NAALADL2: variants seen among roughly 807,000 people sequenced by gnomAD.
The protein encoded by NAALADL2 is N-acetylated alpha-linked acidic dipeptidase like 2, also known as inactive N-acetylated-alpha-linked acidic dipeptidase-like protein 2.
In NAALADL2, 76 loss-of-function variants were observed where a neutral mutation model predicts 87.2. That is an observed-to-expected ratio of 0.87 (90% confidence interval 0.72 to 1.05). The LOEUF is 1.05. NAALADL2 is among the 50% of genes least tolerant of loss of function. The probability of loss-of-function intolerance (pLI) is 0.00; values close to 1 mark genes in which losing one functional copy is unlikely to be tolerated. For synonymous variants in NAALADL2, 354 were observed against 331.0 expected (o/e 1.07, Z -0.75); for missense variants, 1,089 against 945.8 (o/e 1.15, Z -1.99).
At chr3:175,304,802 CTT>C (rs1757496423) in intron 4 of NAALADL2, among the ~76,000 whole-genome samples, 1 of 152,176 alleles carries the variant, frequency 6.6e-6, no homozygotes, top group Non-Finnish European at 1.5e-5. Context: ...TGTGCAAATA[CTT>C]TTCAGACTCA....
chr3:174,735,482 C>G (rs1265034632), intron 2 of NAALADL2, among the ~76,000 whole-genome samples: 4 of 152,198 alleles, frequency 2.6e-5, no homozygotes, highest in African/African-American at 9.6e-5. Context: ...ATACACATCT[C>G]TTCCTTTGTT....
chr3:175,638,801 A>G (rs1430421745), intron 11 of NAALADL2, among the ~76,000 whole-genome samples: 1 of 152,208 alleles, frequency 6.6e-6, no homozygotes, highest in Non-Finnish European at 1.5e-5. Context: ...GGATATTTAT[A>G]CATTTTTATT....
chr3:174,797,305 C>CTTTTTT (rs1160338109), intron 3 of NAALADL2, among the ~76,000 whole-genome samples: 42 of 72,726 alleles, frequency 5.8e-4, no homozygotes, highest in South Asian at 1.1e-3. Context: ...TTTCTTTTTT[C>CTTTTTT]TTTTTTTTTT....
At chr3:175,088,293 G>A (rs572565534) in intron 1 of NAALADL2, among the ~76,000 whole-genome samples, 3 of 152,248 alleles carry the variant, frequency 2.0e-5, no homozygotes, top group African/African-American at 7.2e-5. Flanking sequence ...ATATAGATTT[G>A]GGAGGTTAAC....
chr3:175,488,924 T>C (rs9869413), intron 9 of NAALADL2, among the ~76,000 whole-genome samples: 119,732 of 152,150 alleles, frequency 0.79, 47,172 homozygotes, highest in Middle Eastern at 0.82. Flanking sequence ...GTGACAGTGG[T>C]TATTGGCATG....
intron 11 of NAALADL2, among the ~76,000 whole-genome samples, chr3:175,702,140 A>G (rs1267185535): frequency 6.6e-6 from 1 of 152,190 alleles, no homozygotes; most frequent in African/African-American, 2.4e-5. Flanking sequence ...ACATGGCGTT[A>G]TAAAATGGCA....
chr3:175,318,889 G>A (rs1759487266), intron 4 of NAALADL2, among the ~76,000 whole-genome samples: 1 of 152,178 alleles, frequency 6.6e-6, no homozygotes, highest in Admixed American at 6.5e-5. Flanking sequence ...ACAGGAAGCA[G>A]CTTTTTTAGT....
intron 3 of NAALADL2, among the ~76,000 whole-genome samples, chr3:174,749,011 G>T (rs1734557815): frequency 6.6e-6 from 1 of 152,058 alleles, no homozygotes; most frequent in African/African-American, 2.4e-5. Flanking sequence ...GCCTTTGATG[G>T]AAATAATAAT....
At chr3:175,629,904 G>C (rs1015980949) in intron 11 of NAALADL2, among the ~76,000 whole-genome samples, 1 of 151,772 alleles carries the variant, frequency 6.6e-6, no homozygotes, top group Non-Finnish European at 1.5e-5. Context: ...TATATTGTAC[G>C]TGTGTTTTAA....
At chr3:175,641,786 T>G (rs1034695314) in intron 11 of NAALADL2, among the ~76,000 whole-genome samples, 15 of 152,186 alleles carry the variant, frequency 9.9e-5, no homozygotes, top group Non-Finnish European at 1.8e-4. Context: ...TATTAAAAAT[T>G]ACAAATTAAG....
At chr3:175,024,504 T>C (rs112289768) in intron 1 of NAALADL2, among the ~76,000 whole-genome samples, 11 of 152,198 alleles carry the variant, frequency 7.2e-5, no homozygotes, top group African/African-American at 2.2e-4. Context: ...TACAAAATCA[T>C]TGTCCTTATT....
At chr3:175,471,492 A>G (rs1724873492) in intron 8 of NAALADL2, 147 bp from the exon 9 acceptor site, 2 of 544,816 alleles carry the variant, frequency 3.7e-6, no homozygotes, top group African/African-American at 2.2e-5. Flanking sequence ...AAAAAAAGAA[A>G]GAAAGAAAGA....
chr3:175,399,323 C>T (rs1770248347), intron 5 of NAALADL2, among the ~76,000 whole-genome samples: 1 of 152,076 alleles, frequency 6.6e-6, no homozygotes, highest in Admixed American at 6.6e-5. Context: ...TAACCTGAAG[C>T]ATGTAGAGGC....
chr3:175,414,394 G>T (rs1714196486), intron 5 of NAALADL2, among the ~76,000 whole-genome samples: 1 of 151,934 alleles, frequency 6.6e-6, no homozygotes, highest in Non-Finnish European at 1.5e-5. Context: ...AGTATCTTTT[G>T]GTCCCTCTAT....
intron 3 of NAALADL2, among the ~76,000 whole-genome samples, chr3:174,738,026 A>G (rs181857174): frequency 7.9e-5 from 12 of 152,282 alleles, no homozygotes; most frequent in South Asian, 6.2e-4. Context: ...GTGTGTATCA[A>G]TTCTCTGTCT....
At chr3:175,474,082 T>C (rs1181943406) in intron 9 of NAALADL2, among the ~76,000 whole-genome samples, 3 of 152,156 alleles carry the variant, frequency 2.0e-5, no homozygotes, top group African/African-American at 7.2e-5. Context: ...TTTAACTTTT[T>C]AATATTGGCC....
At chr3:175,799,825 A>C (rs1057483479) in intron 13 of NAALADL2, among the ~76,000 whole-genome samples, 6 of 152,182 alleles carry the variant, frequency 3.9e-5, no homozygotes, top group African/African-American at 1.4e-4. Flanking sequence ...ATACATAAAT[A>C]ATCTCTTACT....
chr3:175,565,829 C>CTTTTTT (rs34325475), intron 9 of NAALADL2, among the ~76,000 whole-genome samples: 4 of 114,818 alleles, frequency 3.5e-5, no homozygotes, highest in African/African-American at 3.4e-5. Flanking sequence ...AGCCCCCCCC[C>CTTTTTT]TTTTTTTTTT....
chr3:175,290,044 A>G (rs1755462066), intron 4 of NAALADL2, among the ~76,000 whole-genome samples: 1 of 152,218 alleles, frequency 6.6e-6, no homozygotes, highest in African/African-American at 2.4e-5. Context: ...AAATCTATCA[A>G]ATGACTAGCA....
Sources: allele counts gnomAD v4.1 joint callset (sites outside exome capture counted in the v4.1 genomes callset), GRCh38; gene constraint gnomAD v4.1.1; transcripts MANE v1.5; gene names NCBI Gene and HGNC (gene_info 2026-07-23, HGNC 2026-07-21).